Variants in GPHN observed in about 807,000 individuals in gnomAD.
GPHN encodes gephyrin.
Under a neutral mutation model 95.5 loss-of-function variants are expected in GPHN, and 17 were observed. That is an observed-to-expected ratio of 0.18 (90% CI 0.12 to 0.27). GPHN has a LOEUF of 0.27. Ranked by LOEUF, GPHN falls within the 10% of genes least tolerant of loss-of-function variation. The probability of loss-of-function intolerance (pLI) is 1.00; values close to 1 mark genes in which losing one functional copy is unlikely to be tolerated. For synonymous variants in GPHN, 320 were observed against 322.5 expected (o/e 0.99, Z 0.08); for missense variants, 660 against 978.1 (o/e 0.67, Z 4.34).
chr14:66,684,505 G>A (rs2067207135), intron 2 of GPHN, among the ~76,000 whole-genome samples: 1 of 152,288 alleles, frequency 6.6e-6, no homozygotes, highest in Non-Finnish European at 1.5e-5. Context: ...AACCTAAACT[G>A]ACTAATTCAT....
chr14:66,938,414 C>G (rs1279774156), intron 8 of GPHN, among the ~76,000 whole-genome samples: 6 of 152,252 alleles, frequency 3.9e-5, no homozygotes, highest in Non-Finnish European at 7.4e-5. Context: ...CAATACTACT[C>G]CAAACAAATA....
chr14:67,057,505 A>T lies in GPHN; in HGVS notation c.1007-1144A>T, dbSNP rs1319596871. Among the ~76,000 whole-genome samples the T allele has an allele frequency of 2.0e-5, 3 of 151,848 alleles. No homozygotes were observed. The South Asian group carries it at 6.2e-4, about 32-fold the overall frequency. ...GCTGGGCCTAATACCTAGGTAATGG[A>T]TTGATCCGTGCAGCAAACCACCATG... On this transcript the variant is annotated intron_variant, in intron 10 of 22. Coordinates refer to ENST00000478722, the MANE Select transcript of GPHN (RefSeq NM_020806.5).
the GPHN span, among the ~76,000 whole-genome samples, chr14:67,252,901 A>G: frequency 1.3e-5 from 2 of 152,374 alleles, no homozygotes; most frequent in Non-Finnish European, 2.9e-5. Flanking sequence ...TAGGTTGGCC[A>G]TAAATGTGTT....
chr14:67,625,376 G>A, the GPHN span, among the ~76,000 whole-genome samples: 1 of 152,082 alleles, frequency 6.6e-6, no homozygotes, highest in Non-Finnish European at 1.5e-5. Flanking sequence ...ATGTTTCAAA[G>A]AGCACTATTA....
At chr14:66,651,111 A>C (rs369471149) in intron 1 of GPHN, among the ~76,000 whole-genome samples, 1 of 152,210 alleles carries the variant, frequency 6.6e-6, no homozygotes, top group South Asian at 2.1e-4. Flanking sequence ...ATCACTGGCC[A>C]GAGTTTGAGT....
the GPHN span, among the ~76,000 whole-genome samples, chr14:67,567,948 G>A: frequency 6.6e-6 from 1 of 152,184 alleles, no homozygotes; most frequent in African/African-American, 2.4e-5. Flanking sequence ...GAGCAGTCAG[G>A]GCCATTAGGA....
chr14:67,487,830 A>G, the GPHN span, among the ~76,000 whole-genome samples: 2 of 151,514 alleles, frequency 1.3e-5, no homozygotes, highest in East Asian at 1.9e-4. Flanking sequence ...GGGTCTTGCT[A>G]TGTTGACCAG....
intron 1 of GPHN, among the ~76,000 whole-genome samples, chr14:66,662,853 G>C (rs534781668): frequency 1.3e-5 from 2 of 152,278 alleles, no homozygotes; most frequent in African/African-American, 4.8e-5. Flanking sequence ...TAGCAGAATA[G>C]ACCAAGTGGA....
intron 2 of GPHN, among the ~76,000 whole-genome samples, chr14:66,718,994 C>T (rs950137541): frequency 4.6e-5 from 7 of 152,252 alleles, no homozygotes; most frequent in East Asian, 1.9e-4. Context: ...TGGGGAAAGC[C>T]GGCAGTCACA....
intron 5 of GPHN, among the ~76,000 whole-genome samples, chr14:66,907,900 G>C (rs2153553565): frequency 6.6e-6 from 1 of 152,096 alleles, no homozygotes; most frequent in Non-Finnish European, 1.5e-5. Flanking sequence ...GTACAAGCAA[G>C]GGGAAGAGGC....
At chr14:66,623,423 TGCTCAAAGCTGAAA>T (rs1218775590) in intron 1 of GPHN, among the ~76,000 whole-genome samples, 1 of 152,048 alleles carries the variant, frequency 6.6e-6, no homozygotes, top group African/African-American at 2.4e-5. Flanking sequence ...TGTGACTGGC[TGCTCAAAGCTGAAA>T]GCAAATACAA....
chr14:66,661,645 T>C (rs1012212253), intron 1 of GPHN, among the ~76,000 whole-genome samples: 1 of 151,880 alleles, frequency 6.6e-6, no homozygotes, highest in Non-Finnish European at 1.5e-5. Flanking sequence ...CATGGCCGAC[T>C]ACTTCTTTAA....
the GPHN span, chr14:67,588,629 GAA>G: frequency 3.9e-5 from 6 of 152,176 alleles, no homozygotes; most frequent in East Asian, 1.2e-3. Flanking sequence ...AAAACAAAAC[GAA>G]AGAGTTCATA....
At chr14:66,605,446 A>G (rs759243009) in intron 1 of GPHN, among the ~76,000 whole-genome samples, 1 of 151,474 alleles carries the variant, frequency 6.6e-6, no homozygotes, top group Non-Finnish European at 1.5e-5. Context: ...TTCTCTGATG[A>G]TTAGTGATGA....
the GPHN span, among the ~76,000 whole-genome samples, chr14:67,240,134 GCT>G: frequency 6.6e-6 from 1 of 152,098 alleles, no homozygotes; most frequent in Non-Finnish European, 1.5e-5. Flanking sequence ...TCTGTCCTCC[GCT>G]CTGTCTTATT....
intron 8 of GPHN, among the ~76,000 whole-genome samples, chr14:66,930,305 G>T (rs1375920027): frequency 6.6e-6 from 1 of 151,210 alleles, no homozygotes; most frequent in Admixed American, 6.6e-5. Flanking sequence ...ATTTTTTGTG[G>T]AACTATTGTT....
At chr14:66,889,489 G>A (rs1180648695) in intron 5 of GPHN, among the ~76,000 whole-genome samples, 5 of 152,048 alleles carry the variant, frequency 3.3e-5, no homozygotes, top group African/African-American at 1.2e-4. Context: ...TTACAAATAT[G>A]TGAAAATTAA....
chr14:67,444,037 C>A, the GPHN span, among the ~76,000 whole-genome samples: 1 of 152,210 alleles, frequency 6.6e-6, no homozygotes, highest in African/African-American at 2.4e-5. Context: ...AAACTCAAAA[C>A]AATGCAACCA....
chr14:67,530,740 T>C, the GPHN span, among the ~76,000 whole-genome samples: 1 of 152,234 alleles, frequency 6.6e-6, no homozygotes, highest in East Asian at 1.9e-4. Flanking sequence ...TGCCCTTGCA[T>C]GAATGGAGTG....
Sources: allele counts gnomAD v4.1 joint callset (sites outside exome capture counted in the v4.1 genomes callset), GRCh38; gene constraint gnomAD v4.1.1; transcripts MANE v1.5; gene names NCBI Gene and HGNC (gene_info 2026-07-23, HGNC 2026-07-21).